Variants in RRAS2 observed in about 807,000 individuals in gnomAD.
The protein encoded by RRAS2 is RAS related 2, also known as ras-related protein R-Ras2.
In RRAS2, 7 loss-of-function variants were observed where a neutral mutation model predicts 27.6. The ratio of observed to expected loss-of-function variants is 0.25; its 90% CI spans 0.14 to 0.48. RRAS2 has a LOEUF of 0.48. Ranked by LOEUF, RRAS2 falls within the 20% of genes least tolerant of loss-of-function variation. The pLI is 0.99. For missense variants in RRAS2, 178 were observed against 256.2 expected (o/e 0.69, Z 2.08); for synonymous variants, 86 against 90.9 (o/e 0.95, Z 0.31).
At chr11:14,355,480 A>G (rs1554955320) in intron 1 of RRAS2, among the ~76,000 whole-genome samples, 2 of 152,220 alleles carry the variant, frequency 1.3e-5, no homozygotes, top group African/African-American at 4.8e-5. Context: ...TCATTAAATA[A>G]CATAATACTT....
intron 4 of RRAS2, among the ~76,000 whole-genome samples, chr11:14,289,479 C>T (rs1554945499): frequency 2.0e-5 from 3 of 152,184 alleles, no homozygotes; most frequent in African/African-American, 7.2e-5. Context: ...TATTTACCTA[C>T]TTTCATATTT....
intron 1 of RRAS2, among the ~76,000 whole-genome samples, chr11:14,353,339 C>T (rs550801930): frequency 6.6e-6 from 1 of 152,066 alleles, no homozygotes; most frequent in East Asian, 1.9e-4. Flanking sequence ...CTCGGCCAGG[C>T]ATGGTGCAGG....
rs1348642507 is a variant in RRAS2 at position 14,279,105 on chromosome 11, A to G, written c.*232T>C. On this transcript the variant is annotated 3_prime_UTR_variant, in exon 6 of 6. Transcript: ENST00000256196. Reference sequence around the variant, plus strand: ...AGAGCATGTCTGTGTATATAGACATATATTTTAAAGGAATCAGATAATCTT... The same window carrying G: ...AGAGCATGTCTGTGTATATAGACATGTATTTTAAAGGAATCAGATAATCTT... 1.1e-5 allele frequency: 5 copies of G among 471,092 alleles called. No homozygotes were observed. The highest frequency in any genetic ancestry group is 5.8e-4 in the Middle Eastern group (1 of 1,720). The allele number at this position is 471,092 out of a possible 1,614,324, so 29.2% of individuals were successfully genotyped here.
intron 1 of RRAS2, among the ~76,000 whole-genome samples, chr11:14,312,423 G>T (rs527554734): frequency 2.6e-5 from 4 of 152,132 alleles, no homozygotes; most frequent in African/African-American, 7.2e-5. Flanking sequence ...TTTTTTGTTT[G>T]TTTTTTGTTA....
chr11:14,309,864 G>C (rs1847919607), intron 1 of RRAS2, among the ~76,000 whole-genome samples: 1 of 152,216 alleles, frequency 6.6e-6, no homozygotes, highest in Non-Finnish European at 1.5e-5. Context: ...AAAACCACTA[G>C]AGGGTCTGAG....
intron 1 of RRAS2, among the ~76,000 whole-genome samples, chr11:14,296,706 A>T (rs79051561): frequency 1.3e-3 from 205 of 152,180 alleles, no homozygotes; most frequent in African/African-American, 4.7e-3. Flanking sequence ...AAATTTTTTC[A>T]TTAGTAGGAA....
At chr11:14,342,250 G>A (rs1382583430) in intron 1 of RRAS2, among the ~76,000 whole-genome samples, 1 of 152,116 alleles carries the variant, frequency 6.6e-6, no homozygotes, top group Non-Finnish European at 1.5e-5. Context: ...CCAACTTAAC[G>A]TTAATAGTTC....
intron 4 of RRAS2, among the ~76,000 whole-genome samples, chr11:14,284,602 C>T (rs1849616133): frequency 6.6e-6 from 1 of 152,094 alleles, no homozygotes; most frequent in Non-Finnish European, 1.5e-5. Context: ...ATTGAAGTCT[C>T]TGATTTTAAG....
rs1180221625 is a variant in RRAS2, at chr11:14,300,311, T to TC, written c.109-4457dup. Among the ~76,000 whole-genome samples the TC allele has an allele frequency of 5.9e-5, 9 of 152,250 alleles. No homozygotes were observed. In the East Asian group the frequency reaches 1.7e-3, roughly 29 times the overall value. On this transcript the variant is annotated intron_variant, in intron 1 of 5. Coordinates refer to ENST00000256196, the MANE Select transcript of RRAS2 (RefSeq NM_012250.6). ...ATGAACTTCAGTTTCTTTAACATTG[T>TC]CAGGAGATGTGGAGAAACATTTAGG...
At chr11:14,300,555 G>C (rs1357729849) in intron 1 of RRAS2, among the ~76,000 whole-genome samples, 1 of 152,098 alleles carries the variant, frequency 6.6e-6, no homozygotes, top group Non-Finnish European at 1.5e-5. Flanking sequence ...ACTCCAGCCT[G>C]AGCAACAAAG....
rs1461371161 is a variant in RRAS2, at chr11:14,364,483, G to A, written c.-216C>T. The A allele has an allele frequency of 3.6e-6, 4 of 1,120,312 alleles. No individual in the cohort carries two copies. The Admixed American group carries it at 5.9e-5, about 17-fold the overall frequency. The allele number at this position is 1,120,312 out of a possible 1,614,324, so 69.4% of individuals were successfully genotyped here. A position where few individuals can be genotyped will look rare whatever the true frequency, so the allele number is the denominator to read the frequency against. ...GGCTGGCAGAGAATGAAACCGCCCA[G>A]CAGGAGCTGCATGCATCTGAGATGA... On this transcript the variant is annotated 5_prime_UTR_variant, in exon 1 of 6. Coordinates refer to the RRAS2 transcript ENST00000529237.
At chr11:14,303,742 A>ATC (rs1169035716) in intron 1 of RRAS2, among the ~76,000 whole-genome samples, 1 of 152,038 alleles carries the variant, frequency 6.6e-6, no homozygotes, top group African/African-American at 2.4e-5. Context: ...TCCTGTCATC[A>ATC]TCTCTCTCTC....
chr11:14,361,432 G>A (rs1406028963), upstream of RRAS2, among the ~76,000 whole-genome samples: 12 of 152,206 alleles, frequency 7.9e-5, no homozygotes, highest in Admixed American at 7.8e-4. Flanking sequence ...GGGAGGCCAA[G>A]GCAGGAGGAT....
Position 14,350,621 on chromosome 11 carries a change from G to A in RRAS2, c.108+8142C>T, listed in dbSNP as rs148660999. On this transcript the variant is annotated intron_variant, in intron 1 of 5. Transcript: ENST00000256196. ...TTAGGGCAGGGGTGTCCAATCTTTC[G>A]ATTTCCCTGAGCCACACTGGAAGAA... Among the ~76,000 whole-genome samples, 27 of 151,934 alleles carry A rather than the reference G, an allele frequency of 1.8e-4. No homozygotes were observed. The East Asian group carries it at 4.8e-3, about 27-fold the overall frequency.
chr11:14,291,560 AAAAT>A (rs1849817350), intron 4 of RRAS2, among the ~76,000 whole-genome samples: 1 of 152,188 alleles, frequency 6.6e-6, no homozygotes, highest in Admixed American at 6.5e-5. Context: ...TTTAGATGGA[AAAAT>A]AAATAAAAAT....
At chr11:14,319,955 T>C (rs1048748770) in intron 1 of RRAS2, among the ~76,000 whole-genome samples, 1 of 152,264 alleles carries the variant, frequency 6.6e-6, no homozygotes, top group African/African-American at 2.4e-5. Context: ...GTAGCTATGT[T>C]ACATGTTTAA....
chr11:14,293,254 A>C (rs1313425644), intron 4 of RRAS2, among the ~76,000 whole-genome samples: 1 of 150,036 alleles, frequency 6.7e-6, no homozygotes, highest in African/African-American at 2.5e-5. Context: ...CAAAATAGAA[A>C]GCTGCCCTCA....
At chr11:14,324,744 G>A (rs1274618036) in intron 1 of RRAS2, among the ~76,000 whole-genome samples, 1 of 152,194 alleles carries the variant, frequency 6.6e-6, no homozygotes, top group Non-Finnish European at 1.5e-5. Context: ...GAACACAGCA[G>A]GGAAACTTAT....
chr11:14,328,557 A>G (rs914680906), intron 1 of RRAS2, among the ~76,000 whole-genome samples: 3 of 152,172 alleles, frequency 2.0e-5, no homozygotes, highest in African/African-American at 4.8e-5. Flanking sequence ...ATCAATGTAA[A>G]AGCTTAGAAA....
Sources: gnomAD v4.1 joint callset for allele counts (sites outside exome capture counted in the v4.1 genomes callset) on GRCh38, gnomAD v4.1.1 for gene constraint, MANE v1.5 for transcripts, NCBI Gene and HGNC (gene_info 2026-07-23, HGNC 2026-07-21) for gene names.